Variants in KCNMB2 observed in about 807,000 individuals in gnomAD.
The protein encoded by KCNMB2 is potassium calcium-activated channel subfamily M regulatory beta subunit 2.
A neutral mutation model predicts 24.5 loss-of-function variants in KCNMB2; 9 were observed. That is an observed-to-expected ratio of 0.37 (90% CI 0.22 to 0.64). The LOEUF is 0.64. KCNMB2 is among the 30% of genes least tolerant of loss of function. KCNMB2 has a pLI of 0.63. For missense variants in KCNMB2, 226 were observed against 284.3 expected, an observed-to-expected ratio of 0.79 and a Z score of 1.47; for synonymous variants, 109 against 104.4, an observed-to-expected ratio of 1.04 and a Z score of -0.27.
At chr3:178,670,364 G>A (rs529003475) in intron 1 of KCNMB2, among the ~76,000 whole-genome samples, 8 of 151,960 alleles carry the variant, frequency 5.3e-5, no homozygotes, top group Non-Finnish European at 8.8e-5. Flanking sequence ...CTGCAAAGGG[G>A]TGGGGATTAT....
intron 2 of KCNMB2, among the ~76,000 whole-genome samples, chr3:178,812,483 C>T (rs181002058): frequency 8.8e-5 from 13 of 147,872 alleles, no homozygotes; most frequent in East Asian, 2.0e-4. Flanking sequence ...TGAGAACATG[C>T]GGTGTTTGGT....
intron 1 of KCNMB2, among the ~76,000 whole-genome samples, chr3:178,581,704 A>G (rs190850661): frequency 6.6e-6 from 1 of 152,384 alleles, no homozygotes; most frequent in Admixed American, 6.5e-5. Flanking sequence ...AAAGTGGGCA[A>G]AGAATATAAA....
At position 178,817,879 on chromosome 3, in the gene KCNMB2, T is replaced by G. The variant is rs73053716; in HGVS notation, c.57-7709T>G. On this transcript the variant is annotated intron_variant, in intron 2 of 4. Coordinates refer to ENST00000452583, the MANE Select transcript of KCNMB2 (RefSeq NM_181361.3). ...GTCCAAATAAAAGGAACATATTTTG[T>G]GAGCCTAATAAATGCAAGAGACTGA... Among the ~76,000 whole-genome samples, 981 of 152,284 alleles carry G rather than the reference T, an allele frequency of 6.4e-3. 21 individuals carry two copies. The highest frequency in any genetic ancestry group is 0.023 in the African/African-American group (947 of 41,558).
At chr3:178,553,079 C>T (rs1317974597) in intron 1 of KCNMB2, among the ~76,000 whole-genome samples, 1 of 152,198 alleles carries the variant, frequency 6.6e-6, no homozygotes, top group Non-Finnish European at 1.5e-5. Context: ...ATATTGCATT[C>T]ATTCATAATC....
At chr3:178,562,542 TC>T (rs1361788116) in intron 1 of KCNMB2, among the ~76,000 whole-genome samples, 2 of 152,214 alleles carry the variant, frequency 1.3e-5, no homozygotes, top group Non-Finnish European at 2.9e-5. Context: ...CCTCTCTTTT[TC>T]CTCCAATTCT....
At chr3:178,563,766 C>T (rs1201183205) in intron 1 of KCNMB2, among the ~76,000 whole-genome samples, 4 of 152,110 alleles carry the variant, frequency 2.6e-5, no homozygotes, top group African/African-American at 9.7e-5. Context: ...AGTCCTTCAA[C>T]AAAGGAGCAG....
At chr3:178,648,021 A>T (rs1187537481) in intron 1 of KCNMB2, among the ~76,000 whole-genome samples, 1 of 152,130 alleles carries the variant, frequency 6.6e-6, no homozygotes, top group Non-Finnish European at 1.5e-5. Flanking sequence ...CTTCAAGTGC[A>T]CAACACTGAA....
chr3:178,536,634 C>T lies in KCNMB2; in HGVS notation c.-145C>T, dbSNP rs1393352314. On this transcript the variant is annotated 5_prime_UTR_variant, in exon 1 of 5. Transcript: ENST00000452583. ...AAGAGGTAATGATGATTACCGGTGGCTATTTGGAGGACTGCACCGGATCGC... is the reference window on the plus strand; with the variant it reads ...AAGAGGTAATGATGATTACCGGTGGTTATTTGGAGGACTGCACCGGATCGC... 2.0e-5 allele frequency: 3 copies of T among 152,286 alleles called. No individual in the cohort carries two copies. The East Asian group carries it at 5.8e-4, about 29-fold the overall frequency. The allele number at this position is 152,286 out of a possible 1,614,324, so 9.4% of individuals were successfully genotyped here.
chr3:178,568,902 G>GATAGATA (rs1560112545), intron 1 of KCNMB2, among the ~76,000 whole-genome samples: 2 of 101,790 alleles, frequency 2.0e-5, no homozygotes, highest in African/African-American at 4.0e-5. Context: ...ATAGATAGAT[G>GATAGATA]GATAGATAGA....
chr3:178,776,791 A>T (rs74556222), intron 1 of KCNMB2, among the ~76,000 whole-genome samples: 21,716 of 152,162 alleles, frequency 0.14, 1,860 homozygotes, highest in Admixed American at 0.18. Flanking sequence ...AAGTTGTATA[A>T]TCAGAAAAAC....
chr3:178,604,656 A>G (rs955995876), intron 1 of KCNMB2, among the ~76,000 whole-genome samples: 2 of 152,228 alleles, frequency 1.3e-5, no homozygotes, highest in African/African-American at 4.8e-5. Context: ...GAAAATCCAG[A>G]AAAATCTCAT....
At chr3:178,614,359 G>A (rs1158867807) in intron 1 of KCNMB2, among the ~76,000 whole-genome samples, 1 of 126,326 alleles carries the variant, frequency 7.9e-6, no homozygotes, top group Non-Finnish European at 1.7e-5. Context: ...ATATATATAT[G>A]AGATTTAATG....
chr3:178,830,258 T>A (rs926260004), intron 4 of KCNMB2, among the ~76,000 whole-genome samples: 1 of 152,214 alleles, frequency 6.6e-6, no homozygotes, highest in Non-Finnish European at 1.5e-5. Flanking sequence ...CATAGCGTTA[T>A]GTTTGTTAGA....
At chr3:178,665,197 C>T (rs2108575247) in intron 1 of KCNMB2, among the ~76,000 whole-genome samples, 1 of 152,226 alleles carries the variant, frequency 6.6e-6, no homozygotes, top group Admixed American at 6.5e-5. Context: ...TTTAAGGTTC[C>T]ACCAGAGGAC....
chr3:178,598,707 G>T (rs1717968159), intron 1 of KCNMB2, among the ~76,000 whole-genome samples: 1 of 151,846 alleles, frequency 6.6e-6, no homozygotes, highest in African/African-American at 2.4e-5. Context: ...AGCAGGAAAG[G>T]GTTAGAGTGC....
intron 1 of KCNMB2, among the ~76,000 whole-genome samples, chr3:178,539,806 AC>A (rs1715557753): frequency 1.3e-5 from 2 of 151,850 alleles, no homozygotes; most frequent in South Asian, 4.2e-4. Flanking sequence ...ATAAACAGAG[AC>A]TTTTTCAATC....
At chr3:178,582,965 AC>A (rs1717271272) in intron 1 of KCNMB2, among the ~76,000 whole-genome samples, 1 of 152,226 alleles carries the variant, frequency 6.6e-6, no homozygotes. Flanking sequence ...AGAAGGAAAG[AC>A]AATATTATAT....
intron 1 of KCNMB2, among the ~76,000 whole-genome samples, chr3:178,551,590 G>C (rs1000818716): frequency 3.5e-4 from 54 of 152,198 alleles, no homozygotes; most frequent in Admixed American, 8.5e-4. Flanking sequence ...CTGCTAACAA[G>C]TCCTTAAAAA....
intron 4 of KCNMB2, among the ~76,000 whole-genome samples, chr3:178,838,785 G>C (rs1715324369): frequency 6.6e-6 from 1 of 152,132 alleles, no homozygotes; most frequent in African/African-American, 2.4e-5. Flanking sequence ...CTGTGTCTCT[G>C]CATATAGTCA....
Sources: gnomAD v4.1 joint callset for allele counts (sites outside exome capture counted in the v4.1 genomes callset) on GRCh38, gnomAD v4.1.1 for gene constraint, MANE v1.5 for transcripts, NCBI Gene and HGNC (gene_info 2026-07-23, HGNC 2026-07-21) for gene names.